DNAH1: variants seen among roughly 807,000 people sequenced by gnomAD.
DNAH1 encodes the protein dynein axonemal heavy chain 1, also known as axonemal beta dynein heavy chain 1.
DNAH1 carries 327 observed loss-of-function variants against 484.3 expected under a neutral mutation model. The ratio of observed to expected loss-of-function variants is 0.68; its 90% CI spans 0.62 to 0.74. The LOEUF (loss-of-function observed/expected upper bound fraction) is 0.74, where lower values mean the gene tolerates loss of function less well. Ranked by LOEUF, DNAH1 falls within the 30% of genes least tolerant of loss-of-function variation. The probability of loss-of-function intolerance (pLI) is 0.00; values close to 1 mark genes in which losing one functional copy is unlikely to be tolerated. For missense variants in DNAH1, 5,052 were observed against 5,546.8 expected (o/e 0.91, Z 2.83); for synonymous variants, 2,192 against 2,191.9 (o/e 1.00, Z 0.00).
At chr3:52,349,864 G>A (rs558986325) in intron 14 of DNAH1, 125 bp from the exon 15 acceptor site, 18 of 1,381,892 alleles carry the variant, frequency 1.3e-5, no homozygotes, top group Middle Eastern at 2.3e-4. Context: ...GGAAAGCGCC[G>A]CAGGATGTTG....
intron 9 of DNAH1, 123 bp downstream of exon 9, chr3:52,344,770 A>G (rs1482226619): frequency 9.3e-7 from 1 of 1,079,596 alleles, no homozygotes; most frequent in Non-Finnish European, 1.3e-6. Context: ...CACTCCCTGC[A>G]CCTCCCCTGT....
At chr3:52,345,020 A>G (rs943866476) in intron 9 of DNAH1, among the ~76,000 whole-genome samples, 14 of 152,328 alleles carry the variant, frequency 9.2e-5, no homozygotes, top group Admixed American at 3.3e-4. Flanking sequence ...CCCGGGGCCC[A>G]AGAACCCTCC....
chr3:52,382,823 C>T (rs1703914477), intron 50 of DNAH1, among the ~76,000 whole-genome samples: 1 of 152,216 alleles, frequency 6.6e-6, no homozygotes, highest in South Asian at 2.1e-4. Context: ...AGGCTTCTCC[C>T]TAGATCTCTG....
chr3:52,325,187 C>G lies in DNAH1; in HGVS notation c.407-953C>G, dbSNP rs577145393. Among the ~76,000 whole-genome samples the G allele has an allele frequency of 1.2e-4, 18 of 152,320 alleles. No homozygotes were observed. The South Asian group carries it at 1.7e-3, about 14-fold the overall frequency. ...CAGACTCCAGCTAATGGTGGAGGCT[C>G]CGCTGAGCCTTGGACACTGCCCAGG... On this transcript the variant is annotated intron_variant, in intron 3 of 77. Coordinates refer to ENST00000420323, the MANE Select transcript of DNAH1 (RefSeq NM_015512.5).
chr3:52,371,752 G>A (rs1022967588), intron 41 of DNAH1, among the ~76,000 whole-genome samples, 194 bp from the exon 42 acceptor site: 13 of 152,196 alleles, frequency 8.5e-5, no homozygotes, highest in African/African-American at 2.9e-4. Flanking sequence ...TGTTTGTGCT[G>A]GGAGTCCCCC....
At chr3:52,397,140 C>T (rs1302656296) in intron 73 of DNAH1, 96 bp downstream of exon 73, 11 of 1,109,708 alleles carry the variant, frequency 9.9e-6, no homozygotes, top group Non-Finnish European at 1.3e-5. Flanking sequence ...GGAGATGCAG[C>T]CCCCACCCTC....
At chr3:52,383,710 T>C in intron 51 of DNAH1, 116 bp downstream of exon 51, 1 of 1,404,734 alleles carries the variant, frequency 7.1e-7, no homozygotes, top group Non-Finnish European at 9.5e-7. Flanking sequence ...GACGCGGCCC[T>C]GGGCCTGGCC....
chr3:52,381,607 C>A lies in DNAH1; in HGVS notation c.7609-33C>A, dbSNP rs1578179866. The A allele has an allele frequency of 6.4e-7, 1 of 1,558,534 alleles. No homozygotes were observed. Among genetic ancestry groups the A allele is most frequent in the Non-Finnish European group, 8.7e-7 (1 of 1,148,542 alleles). On this transcript the variant is annotated intron_variant, in intron 48 of 77. Coordinates refer to ENST00000420323, the MANE Select transcript of DNAH1 (RefSeq NM_015512.5). The surrounding 1 kb of genome is among the most constrained non-coding windows in gnomAD (Gnocchi z 4.1). Reference sequence around the variant, plus strand: ...CGGGGAGACCCTACAGTAAGAGAGACCCCGCCTTCCCCATCCTCGCCTTGG... The same window carrying A: ...CGGGGAGACCCTACAGTAAGAGAGAACCCGCCTTCCCCATCCTCGCCTTGG...
At chr3:52,374,529 A>G (rs565252088) in intron 44 of DNAH1, 6 of 1,492,526 alleles carry the variant, frequency 4.0e-6, no homozygotes, top group East Asian at 4.5e-5. Context: ...TGTGAAGACC[A>G]TGGAGCCCCT....
chr3:52,369,752 G>A (rs1269515086), intron 37 of DNAH1, 73 bp from the exon 38 acceptor site: 26 of 1,499,428 alleles, frequency 1.7e-5, no homozygotes, highest in East Asian at 1.6e-4. Flanking sequence ...GCCCCTCCCC[G>A]CAGCCCTGCA....
Position 52,398,160 on chromosome 3 carries a change from T to C in DNAH1, c.12087T>C (p.Ile4029=). The C allele has an allele frequency of 6.3e-7, 1 of 1,588,020 alleles. No individual in the cohort carries two copies. Among genetic ancestry groups the C allele is most frequent in the Non-Finnish European group, 8.6e-7 (1 of 1,168,418 alleles). The change falls in exon 75 of 78, where the codon ATT becomes ATC. Residue 4029 remains isoleucine (I), a splice_region_variant and synonymous_variant. Coordinates refer to ENST00000420323, the MANE Select transcript of DNAH1 (RefSeq NM_015512.5). ...SMNTVLVQEV[I]RYNRLLQVIT... Reference sequence around the variant, plus strand: ...ACACAGTACTAGTACAAGAGGTCATTAGGTAATCACCCCGCCATACCCCTG... The same window carrying C: ...ACACAGTACTAGTACAAGAGGTCATCAGGTAATCACCCCGCCATACCCCTG...
chr3:52,334,654 G>A lies in DNAH1; in HGVS notation c.1286+2260G>A, dbSNP rs563999578. Among the ~76,000 whole-genome samples the A allele has an allele frequency of 1.2e-4, 18 of 152,094 alleles. No homozygotes were observed. In the South Asian group the frequency reaches 1.9e-3, roughly 16 times the overall value. On this transcript the variant is annotated intron_variant, in intron 8 of 77. Coordinates refer to ENST00000420323, the MANE Select transcript of DNAH1 (RefSeq NM_015512.5). ...AAAAAAATACAAAAATTAGCTGAGC[G>A]TGGTGGCACACGACTATAATACCAG...
chr3:52,335,751 C>G (rs565279577), intron 8 of DNAH1, among the ~76,000 whole-genome samples: 27 of 152,202 alleles, frequency 1.8e-4, no homozygotes, highest in Non-Finnish European at 1.3e-4. Flanking sequence ...TCTCCTGCCT[C>G]AGCCTCCTGA....
chr3:52,364,642 A>G lies in DNAH1; in HGVS notation c.5249A>G (p.His1750Arg). Residue 1750 changes from histidine to arginine, a missense_variant, in exon 33 of 78, where the codon CAC becomes CGC. This residue lies in a region of DNAH1 where 2,929 missense variants were observed against 3,409.4 expected (regional missense o/e 0.86). Transcript: ENST00000420323. The surrounding 1 kb of genome is among the most constrained non-coding windows in gnomAD (Gnocchi z 4.2). ...CCTCCTTCTGTATGGCGACAGGATCACTATGACTTCGGGATGAGAGCCGTG... is the reference window on the plus strand; with the variant it reads ...CCTCCTTCTGTATGGCGACAGGATCGCTATGACTTCGGGATGAGAGCCGTG... The part of the protein sequence containing the change: ...LSSEQLSSQD[H>R]YDFGMRAVKT... The G allele has an allele frequency of 6.2e-7, 1 of 1,613,976 alleles. No homozygotes were observed. The highest frequency in any genetic ancestry group is 1.3e-5 in the African/African-American group (1 of 75,052).
At chr3:52,396,296 C>T in intron 70 of DNAH1, 72 bp from the exon 71 acceptor site, 2 of 1,489,128 alleles carry the variant, frequency 1.3e-6, no homozygotes, top group Non-Finnish European at 1.8e-6. Context: ...GGTCCCTGGG[C>T]AGGAGGGAGC....
At chr3:52,397,158 T>C in intron 73 of DNAH1, 114 bp downstream of exon 73, 2 of 1,005,188 alleles carry the variant, frequency 2.0e-6, no homozygotes, top group Non-Finnish European at 2.9e-6. Context: ...CTCCATCAGC[T>C]GTCTTTTCAT....
chr3:52,374,793 TC>T, intron 44 of DNAH1: 1 of 1,056,170 alleles, frequency 9.5e-7, no homozygotes, highest in Non-Finnish European at 1.5e-6. Context: ...TACACAACAG[TC>T]CAAAGCAGAG....
rs1311144592 is a variant in DNAH1 at position 52,368,495 on chromosome 3, TCCC to T, written c.5766-245_5766-243del. The stretch of plus-strand genomic sequence containing the variant: ...TCTCTGCTATTGCCTCCTCCCCTGC[TCCC>T]TTTTTCCTGTTGGGATTTCACCTTT... On this transcript the variant is annotated intron_variant, in intron 36 of 77. Coordinates refer to ENST00000420323, the MANE Select transcript of DNAH1 (RefSeq NM_015512.5). This position sits in a 1 kb window ranked among gnomAD's most constrained non-coding sequence, Gnocchi z 4.4. Among the ~76,000 whole-genome samples, 1 of 152,146 alleles carries T rather than the reference TCCC, an allele frequency of 6.6e-6. No individual in the cohort carries two copies. The highest frequency in any genetic ancestry group is 1.5e-5 in the Non-Finnish European group (1 of 68,016).
chr3:52,388,503 A>C lies in DNAH1; in HGVS notation c.9257A>C (p.Asp3086Ala). 1 of 1,612,728 alleles carries C rather than the reference A, an allele frequency of 6.2e-7. No homozygotes were observed. Among genetic ancestry groups the C allele is most frequent in the Non-Finnish European group, 8.5e-7 (1 of 1,179,426 alleles). ...EAKQRLREVE[D>A]GIATMQAKYR... ...AAACAGCGCCTTCGTGAGGTGGAGG[A>C]CGGCATCGCCACAATGCAGGCTAAG... is the stretch of plus-strand genomic sequence containing the variant. Residue 3086 changes from aspartate to alanine, a missense_variant, in exon 58 of 78, where the codon GAC (aspartate) becomes GCC (alanine). By Grantham distance (126) the Asp-to-Ala change is moderately radical (BLOSUM62 -2). This residue lies in a region of DNAH1 where 2,929 missense variants were observed against 3,409.4 expected (regional missense o/e 0.86). Transcript: ENST00000420323.
Sources: allele counts gnomAD v4.1 joint callset (sites outside exome capture counted in the v4.1 genomes callset), GRCh38; gene constraint gnomAD v4.1.1; regional missense constraint gnomAD v4.1.1; non-coding constraint Gnocchi (gnomAD v3.1); transcripts MANE v1.5; gene names NCBI Gene and HGNC (gene_info 2026-07-23, HGNC 2026-07-21).